The following SND1 variants were observed in gnomAD, a reference collection of about 807,000 sequenced individuals.
The protein encoded by SND1 is staphylococcal nuclease domain-containing protein 1.
In SND1, 38 loss-of-function variants were observed where a neutral mutation model predicts 121.7. The ratio of observed to expected loss-of-function variants is 0.31; its 90% confidence interval spans 0.24 to 0.41. SND1 has a LOEUF of 0.41. Ranked by LOEUF, SND1 falls within the 10% of genes least tolerant of loss-of-function variation. The pLI is 1.00. For missense variants in SND1, 868 were observed against 1,184.6 expected (o/e 0.73, Z 3.92); for synonymous variants, 401 against 447.4 (o/e 0.90, Z 1.31).
chr7:128,008,339 C>T (rs1253998700), intron 16 of SND1, among the ~76,000 whole-genome samples: 1 of 152,172 alleles, frequency 6.6e-6, no homozygotes, highest in Non-Finnish European at 1.5e-5. Context: ...TGGAATTTTC[C>T]ATCGCTTTCC....
At chr7:128,001,801 C>T (rs1802838225) in intron 16 of SND1, among the ~76,000 whole-genome samples, 1 of 152,190 alleles carries the variant, frequency 6.6e-6, no homozygotes, top group Non-Finnish European at 1.5e-5. Flanking sequence ...CATGGTGGCA[C>T]ATGCCTGTAA....
chr7:127,791,788 C>G (rs984420880), intron 10 of SND1, among the ~76,000 whole-genome samples: 1 of 152,124 alleles, frequency 6.6e-6, no homozygotes, highest in Non-Finnish European at 1.5e-5. Flanking sequence ...TGACATTTTG[C>G]TGGTATTTTG....
chr7:128,084,150 C>T (rs557876910), intron 18 of SND1, among the ~76,000 whole-genome samples: 6 of 152,292 alleles, frequency 3.9e-5, no homozygotes, highest in African/African-American at 1.4e-4. Context: ...GGCTCTAGGC[C>T]CTGATCCAAG....
intron 10 of SND1, among the ~76,000 whole-genome samples, chr7:127,725,818 A>T (rs1796572447): frequency 6.6e-6 from 1 of 152,144 alleles, no homozygotes; most frequent in Non-Finnish European, 1.5e-5. Flanking sequence ...AGTCTGTGGC[A>T]TGGGCTTCCT....
chr7:127,937,743 T>A (rs1801092944), intron 15 of SND1, among the ~76,000 whole-genome samples: 1 of 152,222 alleles, frequency 6.6e-6, no homozygotes, highest in African/African-American at 2.4e-5. Flanking sequence ...CAAAAACTTC[T>A]AATGAGAGGA....
Position 127,707,551 on chromosome 7 carries a change from T to C in SND1, c.948-6T>C, listed in dbSNP as rs982213131. 17 of 1,613,730 alleles carry C rather than the reference T, an allele frequency of 1.1e-5. No individual in the cohort carries two copies. The highest frequency in any genetic ancestry group is 1.4e-5 in the Non-Finnish European group (17 of 1,179,738). The stretch of plus-strand genomic sequence containing the variant: ...GAATGATCTTGCATCCTTGCTTTGT[T>C]GCCAGGTTTGCCAAAGAGCGCAGGC... On this transcript the variant is annotated splice_polypyrimidine_tract_variant and splice_region_variant and intron_variant, in intron 8 of 23. Transcript: ENST00000354725.
intron 16 of SND1, chr7:128,030,338 C>T (rs1411487712): frequency 6.2e-7 from 1 of 1,613,976 alleles, no homozygotes; most frequent in Non-Finnish European, 8.5e-7. Flanking sequence ...GCAGGACCTC[C>T]AGGTGGTGGA....
intron 11 of SND1, among the ~76,000 whole-genome samples, chr7:127,817,077 TG>T (rs1157789295): frequency 3.9e-5 from 6 of 152,190 alleles, no homozygotes; most frequent in African/African-American, 1.4e-4. Context: ...ACATAGTTGT[TG>T]GGTACCTTTG....
chr7:127,762,706 T>C (rs763482548), intron 10 of SND1, among the ~76,000 whole-genome samples: 19 of 152,244 alleles, frequency 1.2e-4, no homozygotes, highest in Non-Finnish European at 2.1e-4. Context: ...CAAGTTTGTC[T>C]TGATATGTGA....
chr7:127,683,794 A>G (rs757441597), intron 1 of SND1, among the ~76,000 whole-genome samples: 1 of 152,206 alleles, frequency 6.6e-6, no homozygotes, highest in East Asian at 1.9e-4. Flanking sequence ...GCTTGAATTC[A>G]TATATTCAAT....
chr7:128,011,582 AC>A (rs1489435117), intron 16 of SND1, among the ~76,000 whole-genome samples: 7 of 152,036 alleles, frequency 4.6e-5, no homozygotes, highest in Admixed American at 4.6e-4. Flanking sequence ...AGTGGTTCTT[AC>A]CCCAGCTGCA....
Position 127,961,771 on chromosome 7 carries a change from G to C in SND1, c.1670-29176G>C, listed in dbSNP as rs775244785. Reference sequence around the variant, plus strand: ...GTCCATTCTCAACCAGAATAAATCAGTGCAAATGCCAGTGTCCACTCCCTC... The same window carrying C: ...GTCCATTCTCAACCAGAATAAATCACTGCAAATGCCAGTGTCCACTCCCTC... On this transcript the variant is annotated intron_variant, in intron 15 of 23. Transcript: ENST00000354725. 5.9e-5 allele frequency among the ~76,000 whole-genome samples: 9 copies of C among 152,270 alleles called. 1 individual carries two copies. The highest frequency in any genetic ancestry group is 1.9e-4 in the African/African-American group (8 of 41,558).
chr7:127,728,356 A>G (rs1230214383), intron 10 of SND1, among the ~76,000 whole-genome samples: 4 of 151,674 alleles, frequency 2.6e-5, no homozygotes, highest in African/African-American at 4.8e-5. Context: ...TACATTTTCA[A>G]TTTATCTAAA....
chr7:127,928,079 T>G (rs1012404601), intron 14 of SND1: 3 of 152,220 alleles, frequency 2.0e-5, no homozygotes, highest in Non-Finnish European at 4.4e-5. Context: ...CTGAAAGGAT[T>G]TGAAGGCCCT....
intron 15 of SND1, among the ~76,000 whole-genome samples, chr7:127,945,084 C>T (rs1388687442): frequency 6.6e-6 from 1 of 152,146 alleles, no homozygotes; most frequent in Non-Finnish European, 1.5e-5. Flanking sequence ...CTTGTCACTG[C>T]TGAACCCACC....
intron 7 of SND1, among the ~76,000 whole-genome samples, chr7:127,704,467 G>A (rs1234068819): frequency 6.6e-6 from 1 of 152,190 alleles, no homozygotes; most frequent in Non-Finnish European, 1.5e-5. Context: ...AGGAAGTGCT[G>A]ATCTTAAGGG....
chr7:127,929,354 C>T, intron 15 of SND1, 25 bp downstream of exon 15: 1 of 1,613,124 alleles, frequency 6.2e-7, no homozygotes, highest in Non-Finnish European at 8.5e-7. Flanking sequence ...TTACATGTTA[C>T]TCTGAGCTCA....
chr7:128,009,331 C>T (rs1803058190), intron 16 of SND1, among the ~76,000 whole-genome samples: 1 of 152,138 alleles, frequency 6.6e-6, no homozygotes, highest in African/African-American at 2.4e-5. Flanking sequence ...CTTTGGAGCC[C>T]AGGTTTAGTA....
At chr7:128,087,524 G>A (rs1251108157) in intron 21 of SND1, among the ~76,000 whole-genome samples, 1 of 152,240 alleles carries the variant, frequency 6.6e-6, no homozygotes, top group Non-Finnish European at 1.5e-5. Flanking sequence ...GAATGGGTGG[G>A]AGACAATTGT....
Sources: gnomAD v4.1 joint callset for allele counts (sites outside exome capture counted in the v4.1 genomes callset) on GRCh38, gnomAD v4.1.1 for gene constraint, MANE v1.5 for transcripts, NCBI Gene and HGNC (gene_info 2026-07-23, HGNC 2026-07-21) for gene names.